Variants in UTS2 observed in about 807,000 individuals in gnomAD.
UTS2 encodes urotensin-2.
Under a neutral mutation model 12.6 loss-of-function variants are expected in UTS2, and 10 were observed. The ratio of observed to expected loss-of-function variants is 0.80; its 90% CI spans 0.49 to 1.35. The LOEUF (loss-of-function observed/expected upper bound fraction) is 1.35, where lower values mean the gene tolerates loss of function less well. Ranked by LOEUF, UTS2 falls within the 40% of genes most tolerant of loss-of-function variation. The pLI, the probability that UTS2 is intolerant of heterozygous loss-of-function variation, is 0.00. For synonymous variants in UTS2, 52 were observed against 50.0 expected, an observed-to-expected ratio of 1.04 and a Z score of -0.17; for missense variants, 142 against 143.2, an observed-to-expected ratio of 0.99 and a Z score of 0.04.
chr1:7,896,226 T>C, the UTS2 span, among the ~76,000 whole-genome samples: 1 of 152,000 alleles, frequency 6.6e-6, no homozygotes, highest in Non-Finnish European at 1.5e-5. Flanking sequence ...AAAAGTGATA[T>C]TGCAGATAAG....
At chr1:7,854,694 G>T (rs541277507), upstream of UTS2, among the ~76,000 whole-genome samples, 1 of 152,020 alleles carries the variant, frequency 6.6e-6, no homozygotes, top group South Asian at 2.1e-4. Flanking sequence ...GTACCTCAGG[G>T]TGACTCTGAT....
At chr1:7,884,405 G>T in the UTS2 span, among the ~76,000 whole-genome samples, 1 of 150,062 alleles carries the variant, frequency 6.7e-6, no homozygotes, top group Admixed American at 6.7e-5. Flanking sequence ...GGATTCAAAT[G>T]ATCCTCCTGC....
At chr1:7,858,635 G>C in the UTS2 span, among the ~76,000 whole-genome samples, 5 of 152,002 alleles carry the variant, frequency 3.3e-5, no homozygotes, top group Admixed American at 3.3e-4. Context: ...GGAGTGCAGT[G>C]GTGCGATCTC....
the UTS2 span, among the ~76,000 whole-genome samples, chr1:7,866,855 C>T: frequency 3.4e-4 from 51 of 152,120 alleles, no homozygotes; most frequent in Middle Eastern, 3.4e-3. This position sits in a 1 kb window ranked among gnomAD's most constrained non-coding sequence, Gnocchi z 4.5. Flanking sequence ...GATCAAATTA[C>T]GTAAGTTTTT....
At chr1:7,861,905 CA>C in the UTS2 span, among the ~76,000 whole-genome samples, 1 of 151,088 alleles carries the variant, frequency 6.6e-6, no homozygotes, top group African/African-American at 2.4e-5. Flanking sequence ...TGGTTTCTAA[CA>C]AAACACCTCT....
the UTS2 span, among the ~76,000 whole-genome samples, chr1:7,895,869 G>A: frequency 4.9e-4 from 74 of 151,986 alleles, no homozygotes; most frequent in Middle Eastern, 0.01. Context: ...TCTTAGTCCC[G>A]GCATATTTGA....
At chr1:7,907,400 A>G in the UTS2 span, among the ~76,000 whole-genome samples, 17 of 152,022 alleles carry the variant, frequency 1.1e-4, no homozygotes, top group Non-Finnish European at 2.4e-4. Flanking sequence ...CAATCCCAGC[A>G]CTTTGGGAGG....
At chr1:7,851,039 C>T (rs228651) in intron 1 of UTS2, 117 bp from the exon 2 acceptor site, 311,064 of 913,024 alleles carry the variant, frequency 0.34, 57,003 homozygotes, top group South Asian at 0.42. Context: ...AAACTTCCAA[C>T]GCTGAGTTCA....
At chr1:7,895,243 T>C in the UTS2 span, among the ~76,000 whole-genome samples, 18 of 151,980 alleles carry the variant, frequency 1.2e-4, no homozygotes, top group African/African-American at 4.3e-4. Context: ...GTGGTGGGCA[T>C]CTGTAATCCC....
At chr1:7,894,485 T>C in the UTS2 span, among the ~76,000 whole-genome samples, 2 of 152,092 alleles carry the variant, frequency 1.3e-5, no homozygotes, top group Non-Finnish European at 2.9e-5. Flanking sequence ...CTTCTCTGAT[T>C]TCTTAGCACA....
the UTS2 span, among the ~76,000 whole-genome samples, chr1:7,861,041 CAAAAAA>C: frequency 2.7e-5 from 2 of 74,764 alleles, no homozygotes; most frequent in Non-Finnish European, 5.3e-5. Context: ...GGCCTTATCT[CAAAAAA>C]AAAAAAAAAA....
At chr1:7,896,393 A>G in the UTS2 span, among the ~76,000 whole-genome samples, 1 of 152,190 alleles carries the variant, frequency 6.6e-6, no homozygotes, top group East Asian at 1.9e-4. Flanking sequence ...TCTACCAAAC[A>G]TTCATGTAAC....
upstream of UTS2, among the ~76,000 whole-genome samples, chr1:7,857,447 C>T (rs917419611): frequency 5.5e-5 from 8 of 146,298 alleles, no homozygotes; most frequent in South Asian, 6.6e-4. Flanking sequence ...AATAAAAGAA[C>T]TAGAATATCA....
intron 1 of UTS2, among the ~76,000 whole-genome samples, 192 bp downstream of exon 1, chr1:7,852,709 A>G (rs2151383545): frequency 6.6e-6 from 1 of 152,330 alleles, no homozygotes; most frequent in East Asian, 1.9e-4. Context: ...GAGACAGAAA[A>G]AAAACTGTAT....
chr1:7,866,342 G>A, the UTS2 span, among the ~76,000 whole-genome samples: 1 of 152,302 alleles, frequency 6.6e-6, no homozygotes, highest in South Asian at 2.1e-4. The surrounding 1 kb of genome is among the most constrained non-coding windows in gnomAD (Gnocchi z 4.5). Flanking sequence ...GGACACCAGC[G>A]ACAGTAGAGG....
chr1:7,876,679 T>C, the UTS2 span, among the ~76,000 whole-genome samples: 216 of 152,240 alleles, frequency 1.4e-3, no homozygotes, highest in African/African-American at 4.9e-3. Context: ...AAAAAAATCA[T>C]ATAAAGACTA....
At chr1:7,909,432 T>C in the UTS2 span, among the ~76,000 whole-genome samples, 1 of 150,640 alleles carries the variant, frequency 6.6e-6, no homozygotes, top group Non-Finnish European at 1.5e-5. Context: ...GTAATCCAGC[T>C]ACTCAGGAGG....
chr1:7,913,152 G>T, the UTS2 span, among the ~76,000 whole-genome samples: 1 of 151,784 alleles, frequency 6.6e-6, no homozygotes, highest in Non-Finnish European at 1.5e-5. Flanking sequence ...CCCACCAAGA[G>T]ACGTGAGAGA....
At chr1:7,854,356 AAG>A (rs758882293), upstream of UTS2, among the ~76,000 whole-genome samples, 1 of 111,314 alleles carries the variant, frequency 9.0e-6, no homozygotes, top group South Asian at 2.8e-4. Context: ...AAAAAAAAAA[AAG>A]AGAAGGAGAA....
Sources: gnomAD v4.1 joint callset for allele counts (sites outside exome capture counted in the v4.1 genomes callset) on GRCh38, gnomAD v4.1.1 for gene constraint, Gnocchi (gnomAD v3.1) non-coding constraint, MANE v1.5 for transcripts, NCBI Gene and HGNC (gene_info 2026-07-23, HGNC 2026-07-21) for gene names.